Variants in PPT1 observed in about 807,000 individuals in gnomAD.
The protein encoded by PPT1 is ceroid-palmitoyl-palmitoyl-protein thioesterase 1.
PPT1 carries 24 observed loss-of-function variants against 44.0 expected under a neutral mutation model. The ratio of observed to expected loss-of-function variants is 0.54; its 90% CI spans 0.39 to 0.77. The LOEUF (loss-of-function observed/expected upper bound fraction) is 0.77, where lower values mean the gene tolerates loss of function less well. Among genes scored for constraint, PPT1 ranks in the 30% least tolerant of loss-of-function variants. The pLI is 0.00. For synonymous variants in PPT1, 148 were observed against 140.2 expected (o/e 1.06, Z -0.39); for missense variants, 341 against 378.8 (o/e 0.90, Z 0.83).
chr1:40,083,339 T>C (rs1216385921), intron 5 of PPT1, among the ~76,000 whole-genome samples: 6 of 152,090 alleles, frequency 3.9e-5, no homozygotes, highest in Admixed American at 3.3e-4. Flanking sequence ...CCTGTAGTCC[T>C]AGCTACTCAG....
intron 1 of PPT1, among the ~76,000 whole-genome samples, chr1:40,095,492 T>G (rs2124492257): frequency 6.6e-6 from 1 of 152,310 alleles, no homozygotes; most frequent in South Asian, 2.1e-4. Context: ...CATGAGGATC[T>G]CAAGTTTAGT....
chr1:40,074,119 T>C lies in PPT1; in HGVS notation c.863A>G (p.Asp288Gly), dbSNP rs1281579931. Residue 288 changes from aspartate (D) to glycine (G), a missense_variant, in exon 9 of 9, where the codon GAC becomes GGC. By Grantham distance (94) the Asp-to-Gly change is moderately conservative (BLOSUM62 -1). Transcript: ENST00000642050. ...CCATTCTTCAGACAACTGAAGATGG[T>C]CCCCTTCTGTAGCCAGAAACACTAG... The part of the protein sequence containing the change: ...GQLVFLATEG[D>G]HLQLSEEWFY... 1 of 1,614,094 alleles carries C rather than the reference T, an allele frequency of 6.2e-7. No homozygotes were observed. Among genetic ancestry groups the C allele is most frequent in the African/African-American group, 1.3e-5 (1 of 75,020 alleles).
In PPT1 at chr1:40,090,280, T is replaced by G. The variant is rs147926622; in HGVS notation, c.434-768A>C. 1.5e-3 allele frequency among the ~76,000 whole-genome samples: 226 copies of G among 152,246 alleles called. 1 individual carries two copies. The highest frequency in any genetic ancestry group is 5.2e-3 in the African/African-American group (217 of 41,556). ...GATCCTCCAGCCTCAGCCTCCCAAGTAGCAGGGACTACAGGTGTACACCAC... is the reference window on the plus strand; with the variant it reads ...GATCCTCCAGCCTCAGCCTCCCAAGGAGCAGGGACTACAGGTGTACACCAC... On this transcript the variant is annotated intron_variant, in intron 4 of 8. Coordinates refer to ENST00000642050, the MANE Select transcript of PPT1 (RefSeq NM_000310.4).
chr1:40,090,881 C>G (rs564776034), intron 4 of PPT1, among the ~76,000 whole-genome samples: 9 of 152,346 alleles, frequency 5.9e-5, no homozygotes, highest in Admixed American at 6.5e-5. Context: ...AATGACACAT[C>G]CTTCCCCAAT....
At chr1:40,094,408 G>A (rs1649735921) in intron 1 of PPT1, among the ~76,000 whole-genome samples, 1 of 147,474 alleles carries the variant, frequency 6.8e-6, no homozygotes, top group Non-Finnish European at 1.5e-5. Context: ...ATGGTGGTAA[G>A]GCTGCAGGCT....
intron 6 of PPT1, 122 bp downstream of exon 6, chr1:40,080,271 AACAG>A (rs1648852117): frequency 9.7e-7 from 1 of 1,036,092 alleles, no homozygotes; most frequent in Non-Finnish European, 1.5e-6. Flanking sequence ...TCCCAAAAAA[AACAG>A]AACTTCTCTT....
rs386833650 is a variant in PPT1, at chr1:40,089,417, G to A, written c.529C>T (p.Gln177Ter). 6.2e-7 allele frequency: 1 copy of A among 1,613,702 alleles called. No individual in the cohort carries two copies. The highest frequency in any genetic ancestry group is 1.3e-5 in the African/African-American group (1 of 74,984). ...LNAGAYSKVV[Q>*]ERLVQAEYWH... ...TCAGCTAACCATACATACCGTTCCT[G>A]AACAACTTTGGAGTACGCCCCAGCA... Residue 177 changes from glutamine (Q) to a stop codon, truncating the protein, a stop_gained, in exon 5 of 9, where the codon CAG becomes TAG. Coordinates refer to ENST00000642050, the MANE Select transcript of PPT1 (RefSeq NM_000310.4). LOFTEE classifies it high-confidence loss of function.
chr1:40,071,998 G>C (rs1206617861), downstream of PPT1: 3 of 407,546 alleles, frequency 7.4e-6, no homozygotes, highest in Non-Finnish European at 1.3e-5. Flanking sequence ...TTTCACTGTT[G>C]ACAAGCGAGG....
At chr1:40,072,605 CTTAAAG>C (rs1415333394), downstream of PPT1, 1 of 152,742 alleles carries the variant, frequency 6.5e-6, no homozygotes, top group Non-Finnish European at 1.5e-5. Context: ...CCTTTATGTA[CTTAAAG>C]TTATACAGAA....
intron 7 of PPT1, among the ~76,000 whole-genome samples, chr1:40,077,471 T>C (rs1648688063): frequency 6.6e-6 from 1 of 152,268 alleles, no homozygotes; most frequent in South Asian, 2.1e-4. Flanking sequence ...ATACTTGATA[T>C]GTCTAAATAA....
rs1391612853 is a variant in PPT1, at chr1:40,092,443, A to C, written c.189T>G (p.Pro63=). The part of the protein sequence containing the change: ...AIKKMVEKKI[P]GIYVLSLEIG... ...TCTCTAAAGATAAGACGTAAATTCC[A>C]GGTATTTTCTTCTCCACCATTTTTT... Residue 63 remains proline, a synonymous_variant, in exon 2 of 9, where the codon CCT becomes CCG. Coordinates refer to ENST00000642050, the MANE Select transcript of PPT1 (RefSeq NM_000310.4). 1 of 1,613,950 alleles carries C rather than the reference A, an allele frequency of 6.2e-7. No homozygotes were observed. The highest frequency in any genetic ancestry group is 8.5e-7 in the Non-Finnish European group (1 of 1,179,788).
At chr1:40,087,942 G>T (rs985527269) in intron 5 of PPT1, among the ~76,000 whole-genome samples, 1 of 152,054 alleles carries the variant, frequency 6.6e-6, no homozygotes, top group Non-Finnish European at 1.5e-5. Flanking sequence ...CCAACGAGTG[G>T]GAAAAGAAAA....
At chr1:40,093,915 C>A in intron 1 of PPT1, 1 of 666,594 alleles carries the variant, frequency 1.5e-6, no homozygotes, top group Non-Finnish European at 2.7e-6. Flanking sequence ...TCCATATAGG[C>A]CAAGCATGGG....
intron 5 of PPT1, among the ~76,000 whole-genome samples, chr1:40,086,135 C>G (rs1649247396): frequency 6.6e-6 from 1 of 152,182 alleles, no homozygotes; most frequent in Non-Finnish European, 1.5e-5. Flanking sequence ...ATATGTAAAG[C>G]TCTAGCTTCC....
chr1:40,085,196 A>G (rs11207472), intron 5 of PPT1, among the ~76,000 whole-genome samples: 22,552 of 152,182 alleles, frequency 0.15, 1,698 homozygotes, highest in Admixed American at 0.17. Context: ...TTTAGATAGC[A>G]GTAGCAAAAT....
rs772268083 is a variant in PPT1, at chr1:40,097,228, G to A, written c.11C>T (p.Pro4Leu). The A allele has an allele frequency of 1.9e-6, 3 of 1,613,916 alleles. No homozygotes were observed. The highest frequency in any genetic ancestry group is 2.2e-5 in the South Asian group (2 of 91,074). The change falls in exon 1 of 9, where the codon CCC (proline) becomes CTC (leucine). Residue 4 changes from proline to leucine, a missense_variant. Physicochemically the swap from Pro to Leu is moderately conservative, Grantham distance 98. Transcript: ENST00000642050. ...CACAGCCAAGAGCCACAGGCAGCCG[G>A]GCGACGCCATCTTCGCTGTGTCACA... MASPGCLWLLAVAL... is the reference protein window; with the variant it reads MASLGCLWLLAVAL...
chr1:40,091,521 T>A, intron 3 of PPT1, 122 bp from the exon 4 acceptor site: 1 of 878,226 alleles, frequency 1.1e-6, no homozygotes, highest in Non-Finnish European at 1.9e-6. Flanking sequence ...TTTCAGGATT[T>A]TCCTGATATG....
intron 7 of PPT1, among the ~76,000 whole-genome samples, chr1:40,077,992 G>A (rs1410845518): frequency 6.6e-6 from 1 of 152,124 alleles, no homozygotes; most frequent in Non-Finnish European, 1.5e-5. Flanking sequence ...TCTGATCTCT[G>A]GAAAATGGAT....
intron 8 of PPT1, among the ~76,000 whole-genome samples, 192 bp from the exon 9 acceptor site, chr1:40,074,375 T>TCTCTTTCTTC (rs1491114296): frequency 6.6e-6 from 1 of 151,622 alleles, no homozygotes; most frequent in Non-Finnish European, 1.5e-5. Flanking sequence ...TTTCTTTCTT[T>TCTCTTTCTTC]CTCTTTCTTC....
Sources: gnomAD v4.1 joint callset for allele counts (sites outside exome capture counted in the v4.1 genomes callset) on GRCh38, gnomAD v4.1.1 for gene constraint, MANE v1.5 for transcripts, NCBI Gene and HGNC (gene_info 2026-07-23, HGNC 2026-07-21) for gene names.